The following SMCHD1 variants were observed in gnomAD, a reference collection of about 807,000 sequenced individuals.
SMCHD1 encodes structural maintenance of chromosomes flexible hinge domain containing 1.
A neutral mutation model predicts 254.7 loss-of-function variants in SMCHD1; 78 were observed. That is an observed-to-expected ratio of 0.31 (90% CI 0.26 to 0.37). The LOEUF is 0.37. Among genes scored for constraint, SMCHD1 ranks in the 10% least tolerant of loss-of-function variants. The pLI, the probability that SMCHD1 is intolerant of heterozygous loss-of-function variation, is 1.00. For synonymous variants in SMCHD1, 766 were observed against 794.9 expected, an observed-to-expected ratio of 0.96 and a Z score of 0.61; for missense variants, 1,840 against 2,408.1, an observed-to-expected ratio of 0.76 and a Z score of 4.94.
intron 1 of SMCHD1, among the ~76,000 whole-genome samples, chr18:2,656,485 C>T (rs1401169383): frequency 1.3e-5 from 2 of 152,356 alleles, no homozygotes; most frequent in East Asian, 3.9e-4. Flanking sequence ...CCCCCGTGGC[C>T]CTCCCTCTGC....
At chr18:2,762,492 C>CTTTTTTT (rs10708453) in intron 36 of SMCHD1, among the ~76,000 whole-genome samples, 8 of 126,838 alleles carry the variant, frequency 6.3e-5, no homozygotes, top group African/African-American at 2.3e-4. Flanking sequence ...ATCTGCCTAC[C>CTTTTTTT]TTTTTTTTTT....
intron 25 of SMCHD1, 66 bp from the exon 26 acceptor site, chr18:2,738,331 G>C: frequency 7.3e-7 from 1 of 1,372,036 alleles, no homozygotes; most frequent in South Asian, 1.5e-5. Flanking sequence ...TTAAGAGTAA[G>C]ATAAGTGGCA....
In SMCHD1 at chr18:2,732,471, A is replaced by T; in HGVS notation, c.3255A>T (p.Ser1085=). 6.2e-7 allele frequency: 1 copy of T among 1,601,406 alleles called. No homozygotes were observed. Among genetic ancestry groups the T allele is most frequent in the Non-Finnish European group, 8.5e-7 (1 of 1,172,094 alleles). ...DEGEREINIT[S]ALAEKIKVNW... is the part of the protein sequence containing the mutation. The stretch of plus-strand genomic sequence containing the variant: ...GAGAAAGAGAAATCAATATAACATC[A>T]GCTTTAGCAGAAAAAATTAAAGTAA... The change falls in exon 25 of 48, where the codon TCA becomes TCT. Residue 1085 remains serine (S), a synonymous_variant. Coordinates refer to ENST00000320876, the MANE Select transcript of SMCHD1 (RefSeq NM_015295.3).
At chr18:2,667,783 C>A (rs571786295) in intron 3 of SMCHD1, among the ~76,000 whole-genome samples, 241 of 152,252 alleles carry the variant, frequency 1.6e-3, no homozygotes, top group African/African-American at 5.5e-3. Context: ...CTTTAACCTA[C>A]ATTTTGTTTA....
At chr18:2,735,350 C>T (rs1050058352) in intron 25 of SMCHD1, among the ~76,000 whole-genome samples, 1 of 152,044 alleles carries the variant, frequency 6.6e-6, no homozygotes, top group Non-Finnish European at 1.5e-5. Context: ...AGGCAAAAAC[C>T]GGAACCATTC....
chr18:2,678,209 T>C (rs1262271806), intron 5 of SMCHD1, among the ~76,000 whole-genome samples: 2 of 110,538 alleles, frequency 1.8e-5, no homozygotes, highest in Non-Finnish European at 4.1e-5. Flanking sequence ...CTTTTCTTTC[T>C]TTTCTTTCTT....
chr18:2,786,388 T>TA (rs1489120136), intron 45 of SMCHD1, among the ~76,000 whole-genome samples: 8 of 152,156 alleles, frequency 5.3e-5, no homozygotes, highest in African/African-American at 1.9e-4. Flanking sequence ...ACACTGCACT[T>TA]ATATTAAAAA....
At position 2,750,357 on chromosome 18, in the gene SMCHD1, C is replaced by T. The variant is rs1316867437; in HGVS notation, c.4015C>T (p.His1339Tyr). Residue 1339 changes from histidine (H) to tyrosine (Y), a missense_variant, in exon 32 of 48, where the codon CAT (histidine) becomes TAT (tyrosine). Physicochemically the swap from His to Tyr is moderately conservative, Grantham distance 83. Around this residue, in one of 9 missense-constraint regions of SMCHD1, gnomAD observed 881 missense variants for 1,009.5 expected, o/e 0.87. Transcript: ENST00000320876. ...CCTCTTTTGTTTTGTTAGGGGAGAG[C>T]ATACTCTTCAGGTTAAAGCCATCTA... ...VFSVFAPRGE[H>Y]TLQVKAIYNK... 1 of 1,610,056 alleles carries T rather than the reference C, an allele frequency of 6.2e-7. No individual in the cohort carries two copies. Among genetic ancestry groups the T allele is most frequent in the East Asian group, 2.2e-5 (1 of 44,788 alleles).
intron 33 of SMCHD1, among the ~76,000 whole-genome samples, chr18:2,752,221 A>G (rs538758349): frequency 1.8e-3 from 277 of 152,308 alleles, no homozygotes; most frequent in Non-Finnish European, 3.1e-3. Flanking sequence ...CATCAGTCCA[A>G]TCAAGTTGGT....
At chr18:2,743,981 C>T in intron 29 of SMCHD1, 53 bp downstream of exon 29, 2 of 1,396,628 alleles carry the variant, frequency 1.4e-6, no homozygotes, top group South Asian at 2.9e-5. Context: ...TGGCTTATTA[C>T]TTTCAGATTG....
intron 9 of SMCHD1, chr18:2,697,349 T>C (rs1295812857): frequency 1.9e-5 from 7 of 363,924 alleles, no homozygotes; most frequent in South Asian, 4.1e-5. Context: ...TTGTCTCTCT[T>C]CTGTGGAGCT....
chr18:2,700,663 A>G lies in SMCHD1; in HGVS notation c.1463+4A>G. The G allele has an allele frequency of 1.2e-6, 2 of 1,603,374 alleles. No homozygotes were observed. Reference sequence around the variant, plus strand: ...TACCATATACATCAGTTGAAGAGTAAGTTTGATTTTTGCTGAAATTATGTT... The same window carrying G: ...TACCATATACATCAGTTGAAGAGTAGGTTTGATTTTTGCTGAAATTATGTT... On this transcript the variant is annotated splice_donor_region_variant and intron_variant, in intron 11 of 47. Transcript: ENST00000320876.
chr18:2,757,250 A>G (rs1299247540), intron 34 of SMCHD1, among the ~76,000 whole-genome samples: 2 of 152,050 alleles, frequency 1.3e-5, no homozygotes, highest in South Asian at 2.1e-4. Flanking sequence ...TCGCTCTTTC[A>G]TCCTGGCTGG....
Position 2,752,516 on chromosome 18 carries a change from A to C in SMCHD1, c.4310A>C (p.Lys1437Thr). ...NAETFSCNKI[K>T]DNDKEDGCFY... ...GAAACATTTAGTTGTAATAAAATAAAAGATAATGACAAAGAAGATGGCTGC... is the reference window on the plus strand; with the variant it reads ...GAAACATTTAGTTGTAATAAAATAACAGATAATGACAAAGAAGATGGCTGC... The change falls in exon 34 of 48, where the codon AAA becomes ACA. Residue 1437 changes from lysine (K) to threonine (T), a missense_variant. Around this residue, in one of 9 missense-constraint regions of SMCHD1, gnomAD observed 881 missense variants for 1,009.5 expected, o/e 0.87. Transcript: ENST00000320876. 2 of 1,599,612 alleles carry C rather than the reference A, an allele frequency of 1.3e-6. No homozygotes were observed. Among genetic ancestry groups the C allele is most frequent in the Non-Finnish European group, 1.7e-6 (2 of 1,167,504 alleles).
intron 22 of SMCHD1, 195 bp downstream of exon 22, chr18:2,726,719 C>T (rs1568245635): frequency 7.2e-6 from 2 of 276,974 alleles, no homozygotes; most frequent in Non-Finnish European, 1.3e-5. Context: ...TATTGACATT[C>T]TGAATATAAC....
At chr18:2,712,052 T>C (rs2074689330) in intron 17 of SMCHD1, among the ~76,000 whole-genome samples, 2 of 152,178 alleles carry the variant, frequency 1.3e-5, no homozygotes, top group Non-Finnish European at 2.9e-5. Flanking sequence ...AGCAGAACTG[T>C]GAACCAAATA....
chr18:2,776,689 T>C (rs969361893), intron 42 of SMCHD1, among the ~76,000 whole-genome samples: 1 of 152,170 alleles, frequency 6.6e-6, no homozygotes, highest in African/African-American at 2.4e-5. Context: ...AATGGGGACT[T>C]GAAGGAGAAT....
At chr18:2,664,359 G>GT (rs144254713) in intron 1 of SMCHD1, among the ~76,000 whole-genome samples, 51,615 of 148,088 alleles carry the variant, frequency 0.35, 10,482 homozygotes, top group African/African-American at 0.58. Flanking sequence ...CATTAAATTT[G>GT]TTTTTTTTTT....
At chr18:2,713,928 G>A (rs769184021) in intron 17 of SMCHD1, among the ~76,000 whole-genome samples, 1 of 152,196 alleles carries the variant, frequency 6.6e-6, no homozygotes, top group Non-Finnish European at 1.5e-5. Flanking sequence ...ATTTGCTGAT[G>A]AGAAGAATGT....
Sources: gnomAD v4.1 joint callset for allele counts (sites outside exome capture counted in the v4.1 genomes callset) on GRCh38, gnomAD v4.1.1 for gene constraint, gnomAD v4.1.1 regional missense constraint, MANE v1.5 for transcripts, NCBI Gene and HGNC (gene_info 2026-07-23, HGNC 2026-07-21) for gene names.